INO80: variants seen among roughly 807,000 people sequenced by gnomAD.
The protein encoded by INO80 is INO80 complex ATPase subunit.
A neutral mutation model predicts 203.4 loss-of-function variants in INO80; 20 were observed. The ratio of observed to expected loss-of-function variants is 0.10; its 90% CI spans 0.07 to 0.14. INO80 has a LOEUF of 0.14. Among genes scored for constraint, INO80 ranks in the 10% least tolerant of loss-of-function variants. INO80 has a pLI of 1.00. For synonymous variants in INO80, 726 were observed against 685.2 expected (o/e 1.06, Z -0.93); for missense variants, 1,419 against 1,914.4 (o/e 0.74, Z 4.83).
intron 24 of INO80, among the ~76,000 whole-genome samples, chr15:41,043,596 G>A (rs181614055): frequency 1.1e-3 from 168 of 152,298 alleles, no homozygotes; most frequent in Middle Eastern, 6.8e-3. Flanking sequence ...GAATGAGCTA[G>A]CCAAAGAATG....
At position 41,074,540 on chromosome 15, in the gene INO80, T is replaced by C; in HGVS notation, c.1157A>G (p.Asn386Ser). 1 of 1,611,118 alleles carries C rather than the reference T, an allele frequency of 6.2e-7. No individual in the cohort carries two copies. The highest frequency in any genetic ancestry group is 8.5e-7 in the Non-Finnish European group (1 of 1,178,804). The part of the protein sequence containing the change: ...REAKRQQRKL[N>S]FLITQTELYA... ...CAACTCTGTCTGGGTAATTAAGAAG[T>C]TGAGTTTTCGCTGTTGCCTCTTGGC... Residue 386 changes from asparagine to serine, a missense_variant, in exon 10 of 36, where the codon AAC becomes AGC. By Grantham distance (46) the Asn-to-Ser change is conservative (BLOSUM62 1). This residue lies in a region of INO80 where 87 missense variants were observed against 150.5 expected (regional missense o/e 0.58). Transcript: ENST00000648947.
intron 27 of INO80, among the ~76,000 whole-genome samples, chr15:41,009,896 G>A (rs561803031): frequency 1.7e-4 from 26 of 152,194 alleles, no homozygotes; most frequent in South Asian, 1.2e-3. Flanking sequence ...CACTGTGCCC[G>A]GCCAAACATA....
rs1057306080 is a variant in INO80 at position 41,070,406 on chromosome 15, T to G, written c.1686+61A>C. 8 of 1,471,584 alleles carry G rather than the reference T, an allele frequency of 5.4e-6. No homozygotes were observed. The South Asian group carries it at 9.1e-5, about 17-fold the overall frequency. 91.2% of individuals were successfully genotyped at this position (1,471,584 alleles called of 1,614,324 possible). A position where few individuals can be genotyped will look rare whatever the true frequency, so the allele number is the denominator to read the frequency against. On this transcript the variant is annotated intron_variant, in intron 13 of 35. Transcript: ENST00000648947. ...AACATAGTGCTTTTAAGTGGCTGAT[T>G]TTCAACAGAAATTACCCTAAATTCT... is the stretch of plus-strand genomic sequence containing the variant.
intron 20 of INO80, 84 bp downstream of exon 20, chr15:41,049,851 A>G: frequency 7.9e-7 from 1 of 1,268,854 alleles, no homozygotes. Flanking sequence ...ACGCCATTGC[A>G]CTCCAGCCTG....
intron 14 of INO80, among the ~76,000 whole-genome samples, chr15:41,066,787 C>T (rs866981869): frequency 6.1e-4 from 83 of 135,372 alleles, no homozygotes; most frequent in Non-Finnish European, 1.0e-3. Flanking sequence ...ATGATCACGT[C>T]TCAGCACTCC....
chr15:41,064,752 T>C (rs1002704256), intron 14 of INO80, among the ~76,000 whole-genome samples: 2 of 151,992 alleles, frequency 1.3e-5, no homozygotes, highest in African/African-American at 4.8e-5. Context: ...ATCCAAGCAG[T>C]TTGAGAAGCC....
At chr15:41,045,712 G>A (rs1267925959) in intron 23 of INO80, among the ~76,000 whole-genome samples, 1 of 151,018 alleles carries the variant, frequency 6.6e-6, no homozygotes, top group Non-Finnish European at 1.5e-5. Context: ...GGCCAAAATG[G>A]TGAAACCTCA....
At chr15:41,088,087 CT>C (rs943111352) in intron 5 of INO80, among the ~76,000 whole-genome samples, 3,444 of 101,028 alleles carry the variant, frequency 0.034, 71 homozygotes, top group African/African-American at 0.11. Context: ...GCTTGCTTTT[CT>C]TTTTTTTTTT....
chr15:41,049,894 AC>A (rs777474591), intron 20 of INO80, 40 bp downstream of exon 20: 4 of 1,565,082 alleles, frequency 2.6e-6, no homozygotes, highest in Admixed American at 1.8e-5. Context: ...ATCTCAAAAA[AC>A]AAAAAACAAA....
At chr15:41,114,140 G>A (rs936975509) in intron 1 of INO80, among the ~76,000 whole-genome samples, 24 of 151,894 alleles carry the variant, frequency 1.6e-4, no homozygotes, top group African/African-American at 4.1e-4. Flanking sequence ...GGTGGCGGGC[G>A]CCTGTAATAC....
At chr15:41,047,336 T>C (rs1392714150) in intron 23 of INO80, 72 bp downstream of exon 23, 11 of 871,050 alleles carry the variant, frequency 1.3e-5, no homozygotes, top group Non-Finnish European at 2.0e-5. Context: ...AAATATTTAA[T>C]TCCACAGTAT....
intron 1 of INO80, among the ~76,000 whole-genome samples, chr15:41,114,357 G>A (rs1208310806): frequency 1.3e-5 from 2 of 152,018 alleles, no homozygotes. Context: ...TTTATAGGAG[G>A]AGGAGCTTGG....
At chr15:41,010,332 C>T (rs1464098213) in intron 27 of INO80, among the ~76,000 whole-genome samples, 1 of 151,854 alleles carries the variant, frequency 6.6e-6, no homozygotes, top group African/African-American at 2.4e-5. Context: ...TTTTTTTTCC[C>T]CCAGGATCAG....
chr15:41,025,159 A>G (rs908502617), intron 25 of INO80, among the ~76,000 whole-genome samples: 6 of 152,216 alleles, frequency 3.9e-5, no homozygotes, highest in Admixed American at 1.3e-4. Flanking sequence ...GTTCACAGCA[A>G]TTAGAGTTTT....
At chr15:40,985,918 A>G (rs550769757) in intron 31 of INO80, among the ~76,000 whole-genome samples, 23 of 152,266 alleles carry the variant, frequency 1.5e-4, no homozygotes, top group Admixed American at 1.2e-3. Context: ...AAAAAAAATT[A>G]TTATAGGCCT....
chr15:41,082,791 C>T (rs1164301770), intron 7 of INO80, among the ~76,000 whole-genome samples: 2 of 151,970 alleles, frequency 1.3e-5, no homozygotes, highest in African/African-American at 2.4e-5. Context: ...GGCTGAGGTG[C>T]GAGGACTGCT....
chr15:41,009,389 C>T (rs1320762847), intron 27 of INO80, among the ~76,000 whole-genome samples: 6 of 120,050 alleles, frequency 5.0e-5, no homozygotes, highest in Admixed American at 9.2e-5. Flanking sequence ...CCCCTCCCCC[C>T]ACCCCACAAC....
In INO80 at chr15:41,033,337, A is replaced by ATT. The variant is rs552646852; in HGVS notation, c.2908-5603_2908-5602dup. 3.6e-3 allele frequency among the ~76,000 whole-genome samples: 505 copies of ATT among 138,966 alleles called. 3 individuals are homozygous for ATT. Among genetic ancestry groups the ATT allele is most frequent in the South Asian group, 0.013 (59 of 4,374 alleles). 91.2% of individuals were successfully genotyped at this position (138,966 alleles called of 152,430 possible). On this transcript the variant is annotated intron_variant, in intron 24 of 35. Coordinates refer to ENST00000648947, the MANE Select transcript of INO80 (RefSeq NM_017553.3). ...TTCTATCTCTGCTGCCTGAATCAGA[A>ATT]TTTTTTTTTTTTTTTTTTGGAGACA...
chr15:41,007,827 C>T (rs1317164084), intron 27 of INO80, among the ~76,000 whole-genome samples: 3 of 150,342 alleles, frequency 2.0e-5, no homozygotes, highest in African/African-American at 4.9e-5. Context: ...AATAGAGCGA[C>T]ATCTACATCC....
Sources: gnomAD v4.1 joint callset for allele counts (sites outside exome capture counted in the v4.1 genomes callset) on GRCh38, gnomAD v4.1.1 for gene constraint, gnomAD v4.1.1 regional missense constraint, MANE v1.5 for transcripts, NCBI Gene and HGNC (gene_info 2026-07-23, HGNC 2026-07-21) for gene names.